The following ADAMTSL2 variants were observed in gnomAD, a reference collection of about 807,000 sequenced individuals.
ADAMTSL2 encodes ADAMTS-like protein 2.
A neutral mutation model predicts 117.0 loss-of-function variants in ADAMTSL2; 55 were observed. The observed-to-expected ratio is 0.47, with a 90% confidence interval of 0.38 to 0.59. The LOEUF is 0.59. ADAMTSL2 is among the 20% of genes least tolerant of loss of function. The probability of loss-of-function intolerance (pLI) is 0.00; values close to 1 mark genes in which losing one functional copy is unlikely to be tolerated. For missense variants in ADAMTSL2, 1,182 were observed against 1,354.5 expected (o/e 0.87, Z 2.00); for synonymous variants, 572 against 566.4 (o/e 1.01, Z -0.14).
chr9:133,570,212 TG>T, intron 16 of ADAMTSL2, 118 bp from the exon 17 acceptor site: 1 of 1,139,486 alleles, frequency 8.8e-7, no homozygotes, highest in Non-Finnish European at 1.2e-6. Context: ...TGTTATGCAC[TG>T]GAGCATTCTC....
chr9:133,552,600 A>G (rs1358387258), intron 9 of ADAMTSL2, among the ~76,000 whole-genome samples: 1 of 152,168 alleles, frequency 6.6e-6, no homozygotes, highest in Non-Finnish European at 1.5e-5. Flanking sequence ...AGAAAAGAAC[A>G]TATTTTCCAG....
At chr9:133,568,514 G>A in intron 14 of ADAMTSL2, 28 bp downstream of exon 14, 1 of 1,582,378 alleles carries the variant, frequency 6.3e-7, no homozygotes, top group Non-Finnish European at 8.6e-7. Flanking sequence ...CAAGCCGGGG[G>A]TCGGGAAGAG....
In ADAMTSL2 at chr9:133,554,313, G is replaced by A. The variant is rs1019170377; in HGVS notation, c.940-44G>A. The A allele has an allele frequency of 1.3e-5, 19 of 1,498,166 alleles. No individual in the cohort carries two copies. The highest frequency in any genetic ancestry group is 1.7e-4 in the Middle Eastern group (1 of 5,886). The allele number at this position is 1,498,166 out of a possible 1,614,324, so 92.8% of individuals were successfully genotyped here. The stretch of plus-strand genomic sequence containing the variant: ...GAAGGGGATTGGTGGGGAAGGGGCT[G>A]GACAGAGTAAGGAGGGGCTGGGGAC... On this transcript the variant is annotated intron_variant, in intron 9 of 18. Transcript: ENST00000651351. The surrounding 1 kb of genome is among the most constrained non-coding windows in gnomAD (Gnocchi z 5.2).
chr9:133,564,517 AGG>A (rs1191342734), intron 12 of ADAMTSL2, among the ~76,000 whole-genome samples: 4 of 76,712 alleles, frequency 5.2e-5, no homozygotes, highest in Admixed American at 1.4e-4. Context: ...AGAGAGGGAG[AGG>A]GAGAGAGAGA....
At chr9:133,574,437 A>G (rs1285777625) in intron 18 of ADAMTSL2, among the ~76,000 whole-genome samples, 10 of 152,128 alleles carry the variant, frequency 6.6e-5, no homozygotes, top group Admixed American at 6.5e-4. Context: ...CTTTGGATAC[A>G]TTGAGTGGTG....
chr9:133,537,318 C>A (rs1049523796), intron 2 of ADAMTSL2, 87 bp from the exon 3 acceptor site: 41 of 1,289,592 alleles, frequency 3.2e-5, no homozygotes, highest in Non-Finnish European at 4.1e-5. Context: ...GTCCCGCTGA[C>A]GGTGATACCC....
intron 16 of ADAMTSL2, 147 bp downstream of exon 16, chr9:133,569,725 T>C: frequency 5.6e-6 from 5 of 891,988 alleles, no homozygotes; most frequent in Non-Finnish European, 8.6e-6. Context: ...AAAATTAATT[T>C]AGAATACAAA....
chr9:133,537,322 G>A (rs1047823997), intron 2 of ADAMTSL2, 83 bp from the exon 3 acceptor site: 6 of 1,300,576 alleles, frequency 4.6e-6, no homozygotes, highest in Admixed American at 2.9e-5. Context: ...CGCTGACGGT[G>A]ATACCCTCGG....
rs867882407 is a variant in ADAMTSL2 at position 133,561,397 on chromosome 9, C to G, written c.1747+102C>G. On this transcript the variant is annotated intron_variant, in intron 12 of 18. Coordinates refer to ENST00000651351, the MANE Select transcript of ADAMTSL2 (RefSeq NM_014694.4). ...CACCCACTAGCTTGCAGCCCCCAAA[C>G]TGCCCTCGGGGTGCTTGTCCGTGGC... is the stretch of plus-strand genomic sequence containing the variant. 2.1e-3 allele frequency: 2,321 copies of G among 1,103,522 alleles called. 30 individuals are homozygous for G. In the African/African-American group the frequency reaches 0.032, roughly 15 times the overall value. The allele number at this position is 1,103,522 out of a possible 1,614,324, so 68.4% of individuals were successfully genotyped here.
chr9:133,568,167 A>T, intron 13 of ADAMTSL2, 106 bp from the exon 14 acceptor site: 1 of 1,203,468 alleles, frequency 8.3e-7, no homozygotes, highest in Non-Finnish European at 1.2e-6. Flanking sequence ...GTTTTGGACC[A>T]CATAGGGGAG....
chr9:133,557,665 AG>A lies in ADAMTSL2; in HGVS notation c.1649+1736del, dbSNP rs1830633070. ...GTGGGCCCTCTTCACCTCCCAGGGCAGTCCGGGGCATTCCCTGGTATTCCGT... is the reference window on the plus strand; with the variant it reads ...GTGGGCCCTCTTCACCTCCCAGGGCATCCGGGGCATTCCCTGGTATTCCGT... On this transcript the variant is annotated intron_variant, in intron 11 of 18. Coordinates refer to ENST00000651351, the MANE Select transcript of ADAMTSL2 (RefSeq NM_014694.4). The surrounding 1 kb of genome is among the most constrained non-coding windows in gnomAD (Gnocchi z 5.2). 6.6e-6 allele frequency among the ~76,000 whole-genome samples: 1 copy of A among 152,190 alleles called. No individual in the cohort carries two copies. Among genetic ancestry groups the A allele is most frequent in the Admixed American group, 6.5e-5 (1 of 15,290 alleles).
chr9:133,546,908 G>A, intron 8 of ADAMTSL2, 130 bp from the exon 9 acceptor site: 1 of 949,220 alleles, frequency 1.1e-6, no homozygotes, highest in Non-Finnish European at 1.7e-6. Context: ...CATGATGGGA[G>A]TTTCCTGTCT....
chr9:133,574,677 G>A, intron 18 of ADAMTSL2, 69 bp from the exon 19 acceptor site: 3 of 1,367,476 alleles, frequency 2.2e-6, no homozygotes, highest in South Asian at 2.3e-5. Context: ...GCACGTGGGG[G>A]TCCCTGGGGT....
At chr9:133,533,589 C>T (rs1031263614), upstream of ADAMTSL2, among the ~76,000 whole-genome samples, 1 of 152,204 alleles carries the variant, frequency 6.6e-6, no homozygotes, top group African/African-American at 2.4e-5. Context: ...ACGGTATTAT[C>T]GCTTTCACTA....
chr9:133,536,841 C>T, intron 2 of ADAMTSL2, 39 bp downstream of exon 2: 1 of 1,613,502 alleles, frequency 6.2e-7, no homozygotes, highest in Non-Finnish European at 8.5e-7. Flanking sequence ...CATGCCAGTC[C>T]CCTACCCAGG....
intron 14 of ADAMTSL2, 42 bp downstream of exon 14, chr9:133,568,528 G>C: frequency 6.4e-7 from 1 of 1,573,152 alleles, no homozygotes; most frequent in Non-Finnish European, 8.6e-7. Context: ...GGAAGAGCTG[G>C]GGAGCTGGGC....
rs967984264 is a variant in ADAMTSL2, at chr9:133,558,183, C to T, written c.1649+2253C>T. ...AAGGGTCGATCAACTAGGCTGTCAG[C>T]ACTCAGAAAGGCCCTGACTGCTGAG... On this transcript the variant is annotated intron_variant, in intron 11 of 18. Coordinates refer to ENST00000651351, the MANE Select transcript of ADAMTSL2 (RefSeq NM_014694.4). This position sits in a 1 kb window ranked among gnomAD's most constrained non-coding sequence, Gnocchi z 4.3. 5.3e-5 allele frequency among the ~76,000 whole-genome samples: 8 copies of T among 152,198 alleles called. No homozygotes were observed. The highest frequency in any genetic ancestry group is 1.0e-4 in the Non-Finnish European group (7 of 68,042).
upstream of ADAMTSL2, chr9:133,532,695 C>T (rs1829967117): frequency 6.6e-6 from 1 of 152,234 alleles, no homozygotes; most frequent in African/African-American, 2.4e-5. Flanking sequence ...GGTAAGGAGC[C>T]CCTGGCATCA....
intron 12 of ADAMTSL2, among the ~76,000 whole-genome samples, chr9:133,565,679 C>T (rs1370326834): frequency 6.6e-6 from 1 of 152,346 alleles, no homozygotes; most frequent in Non-Finnish European, 1.5e-5. Context: ...AGCGCTGGGG[C>T]TTGGAGAGGC....
Sources: allele counts gnomAD v4.1 joint callset (sites outside exome capture counted in the v4.1 genomes callset), GRCh38; gene constraint gnomAD v4.1.1; non-coding constraint Gnocchi (gnomAD v3.1); transcripts MANE v1.5; gene names NCBI Gene and HGNC (gene_info 2026-07-23, HGNC 2026-07-21).